Variants in TTLL5 observed in about 807,000 individuals in gnomAD.
TTLL5 encodes the protein tubulin tyrosine ligase like 5, also known as tubulin polyglutamylase TTLL5.
A neutral mutation model predicts 168.4 loss-of-function variants in TTLL5; 132 were observed. That is an observed-to-expected ratio of 0.78 (90% CI 0.68 to 0.91). TTLL5 has a LOEUF of 0.91. Ranked by LOEUF, TTLL5 falls within the 40% of genes least tolerant of loss-of-function variation. TTLL5 has a pLI of 0.00. For synonymous variants in TTLL5, 546 were observed against 558.6 expected (o/e 0.98, Z 0.32); for missense variants, 1,545 against 1,581.5 (o/e 0.98, Z 0.39).
chr14:75,687,107 TA>T (rs536974270), intron 5 of TTLL5, among the ~76,000 whole-genome samples: 245 of 152,268 alleles, frequency 1.6e-3, no homozygotes, highest in African/African-American at 5.7e-3. Flanking sequence ...AATCAATTTT[TA>T]AAAACCCATT....
chr14:75,667,231 G>A (rs1425971299), intron 2 of TTLL5, among the ~76,000 whole-genome samples: 1 of 152,156 alleles, frequency 6.6e-6, no homozygotes, highest in Non-Finnish European at 1.5e-5. Context: ...CCCTTGTCAG[G>A]CATTTTAAAA....
intron 30 of TTLL5, among the ~76,000 whole-genome samples, chr14:75,891,756 T>G (rs1017860618): frequency 6.6e-6 from 1 of 152,198 alleles, no homozygotes; most frequent in African/African-American, 2.4e-5. Flanking sequence ...TGGGAGACAG[T>G]AGAGTACAGT....
At chr14:75,916,230 T>G (rs573008058) in intron 31 of TTLL5, among the ~76,000 whole-genome samples, 2 of 151,044 alleles carry the variant, frequency 1.3e-5, no homozygotes, top group Non-Finnish European at 2.9e-5. Context: ...AAGGGAGGAC[T>G]AAAAACTAAC....
intron 29 of TTLL5, among the ~76,000 whole-genome samples, chr14:75,869,305 A>G (rs911393653): frequency 1.3e-5 from 2 of 152,136 alleles, no homozygotes; most frequent in African/African-American, 4.8e-5. Context: ...ACATGAAATA[A>G]TACTGCATTC....
chr14:75,842,727 AG>A, intron 28 of TTLL5, among the ~76,000 whole-genome samples: 1 of 152,288 alleles, frequency 6.6e-6, no homozygotes, highest in African/African-American at 2.4e-5. Flanking sequence ...TGGGGAAAGG[AG>A]GGAGGAAAGA....
At chr14:75,802,895 G>A (rs947812780) in intron 27 of TTLL5, among the ~76,000 whole-genome samples, 1 of 152,176 alleles carries the variant, frequency 6.6e-6, no homozygotes, top group Non-Finnish European at 1.5e-5. Flanking sequence ...TTAAAGATAG[G>A]CAGGTAGATG....
chr14:75,794,761 TAA>T (rs1892910486), intron 27 of TTLL5, among the ~76,000 whole-genome samples: 1 of 152,214 alleles, frequency 6.6e-6, no homozygotes, highest in Non-Finnish European at 1.5e-5. Flanking sequence ...CTGTAGGATG[TAA>T]TAAGCAGGAT....
intron 28 of TTLL5, among the ~76,000 whole-genome samples, chr14:75,847,201 C>G (rs370169299): frequency 6.6e-6 from 1 of 151,978 alleles, no homozygotes; most frequent in Admixed American, 6.6e-5. Context: ...TGGGATTTCA[C>G]CATGTTGGCC....
intron 27 of TTLL5, among the ~76,000 whole-genome samples, chr14:75,811,619 A>G (rs1894040262): frequency 6.6e-6 from 1 of 152,146 alleles, no homozygotes; most frequent in African/African-American, 2.4e-5. Flanking sequence ...CCACGTTTTT[A>G]TCTGCACATG....
intron 26 of TTLL5, among the ~76,000 whole-genome samples, chr14:75,792,475 C>T (rs1414080175): frequency 6.6e-6 from 1 of 151,536 alleles, no homozygotes; most frequent in African/African-American, 2.4e-5. Flanking sequence ...GTTTTTATCC[C>T]TGTTTCCCTT....
intron 29 of TTLL5, among the ~76,000 whole-genome samples, chr14:75,881,697 T>C (rs966230652): frequency 5.3e-5 from 8 of 152,198 alleles, no homozygotes; most frequent in Admixed American, 5.2e-4. Flanking sequence ...CCAGAAATTG[T>C]TTTAATAAAA....
chr14:75,875,785 C>T (rs1037598282), intron 29 of TTLL5, among the ~76,000 whole-genome samples: 1 of 152,036 alleles, frequency 6.6e-6, no homozygotes, highest in Non-Finnish European at 1.5e-5. Context: ...CATGTGATTC[C>T]GTGTTTTGTC....
At chr14:75,859,782 G>T (rs1405678302) in intron 28 of TTLL5, among the ~76,000 whole-genome samples, 1 of 152,148 alleles carries the variant, frequency 6.6e-6, no homozygotes, top group Non-Finnish European at 1.5e-5. Flanking sequence ...ATAAACTTGG[G>T]CACCAGAAAT....
At chr14:75,916,464 A>G (rs2033618624) in intron 31 of TTLL5, among the ~76,000 whole-genome samples, 1 of 152,142 alleles carries the variant, frequency 6.6e-6, no homozygotes, top group South Asian at 2.1e-4. Context: ...CAACATAAGG[A>G]AACCCTGGTT....
intron 9 of TTLL5, among the ~76,000 whole-genome samples, chr14:75,715,297 A>G (rs1594914843): frequency 7.8e-6 from 1 of 127,698 alleles, no homozygotes; most frequent in Admixed American, 9.1e-5. Context: ...GTAACTCACC[A>G]TCTTCCTCAT....
intron 12 of TTLL5, among the ~76,000 whole-genome samples, chr14:75,724,375 G>T (rs1888051010): frequency 6.6e-6 from 1 of 152,170 alleles, no homozygotes; most frequent in Non-Finnish European, 1.5e-5. Context: ...TTACCATCAA[G>T]TTTGTTCCTC....
chr14:75,854,872 T>A (rs915117590), intron 28 of TTLL5, among the ~76,000 whole-genome samples: 2 of 152,186 alleles, frequency 1.3e-5, no homozygotes, highest in African/African-American at 2.4e-5. Context: ...CAGTTACCAA[T>A]AGGGCATTTT....
chr14:75,833,820 T>G (rs781100049), intron 28 of TTLL5, among the ~76,000 whole-genome samples: 4 of 152,170 alleles, frequency 2.6e-5, no homozygotes, highest in Non-Finnish European at 5.9e-5. Context: ...AGTGATAAAG[T>G]AAGGAGTGGA....
intron 30 of TTLL5, among the ~76,000 whole-genome samples, chr14:75,897,357 C>T (rs933364139): frequency 1.3e-5 from 2 of 152,138 alleles, no homozygotes; most frequent in African/African-American, 4.8e-5. Flanking sequence ...TTGAGTTCTT[C>T]GAATTCTTTG....
Sources: allele counts gnomAD v4.1 joint callset (sites outside exome capture counted in the v4.1 genomes callset), GRCh38; gene constraint gnomAD v4.1.1; transcripts MANE v1.5; gene names NCBI Gene and HGNC (gene_info 2026-07-23, HGNC 2026-07-21).